The following TSPAN3 variants were observed in gnomAD, a reference collection of about 807,000 sequenced individuals.
TSPAN3 encodes tetraspanin-3.
TSPAN3 carries 9 observed loss-of-function variants against 31.1 expected under a neutral mutation model. That is an observed-to-expected ratio of 0.29 (90% confidence interval 0.17 to 0.50). TSPAN3 has a LOEUF of 0.50. TSPAN3 is among the 20% of genes least tolerant of loss of function. The pLI is 0.98. For synonymous variants in TSPAN3, 129 were observed against 114.3 expected, an observed-to-expected ratio of 1.13 and a Z score of -0.82; for missense variants, 252 against 313.5, an observed-to-expected ratio of 0.80 and a Z score of 1.48.
chr15:77,047,742 T>C (rs2076703899), intron 6 of TSPAN3, among the ~76,000 whole-genome samples: 1 of 152,200 alleles, frequency 6.6e-6, no homozygotes. Context: ...TTCTAGAATT[T>C]TTGACCTACC....
At position 77,046,655 on chromosome 15, in the gene TSPAN3, G is replaced by A. The variant is rs528551495; in HGVS notation, c.*180C>T. 3.5e-6 allele frequency: 2 copies of A among 568,260 alleles called. No homozygotes were observed. Among genetic ancestry groups the A allele is most frequent in the South Asian group, 4.7e-5 (2 of 42,436 alleles). 35.2% of individuals were successfully genotyped at this position (568,260 alleles called of 1,614,324 possible). Reference sequence around the variant, plus strand: ...GGCATGAAGAGTCAGCTAGAACAAGGAAAAAGAAAGTCGCAGGTAGTAGGT... The same window carrying A: ...GGCATGAAGAGTCAGCTAGAACAAGAAAAAAGAAAGTCGCAGGTAGTAGGT... On this transcript the variant is annotated 3_prime_UTR_variant, in exon 7 of 7. Coordinates refer to ENST00000267970, the MANE Select transcript of TSPAN3 (RefSeq NM_005724.6).
chr15:77,046,753 TCCAGAG>T lies in TSPAN3; in HGVS notation c.*76_*81del. 2.8e-6 allele frequency: 3 copies of T among 1,078,730 alleles called. No homozygotes were observed. The highest frequency in any genetic ancestry group is 2.8e-6 in the Non-Finnish European group (2 of 724,880). 66.8% of individuals were successfully genotyped at this position (1,078,730 alleles called of 1,614,324 possible). A position where few individuals can be genotyped will look rare whatever the true frequency, so the allele number is the denominator to read the frequency against. The stretch of plus-strand genomic sequence containing the variant: ...GTACATGTGCTTTAACTAAATGAAC[TCCAGAG>T]GCCAACAGCAGCAGACCTGCTCAAT... On this transcript the variant is annotated 3_prime_UTR_variant, in exon 7 of 7. Coordinates refer to ENST00000267970, the MANE Select transcript of TSPAN3 (RefSeq NM_005724.6).
intron 4 of TSPAN3, 97 bp from the exon 5 acceptor site, chr15:77,053,026 G>T: frequency 8.5e-7 from 1 of 1,176,258 alleles, no homozygotes; most frequent in Non-Finnish European, 1.2e-6. Context: ...CTAGACCAGT[G>T]ATGTCCGATA....
intron 1 of TSPAN3, chr15:77,064,538 T>A (rs1281696657): frequency 1.3e-5 from 2 of 152,212 alleles, no homozygotes; most frequent in African/African-American, 4.8e-5. Context: ...ACCCATTCCC[T>A]AAACTGCAAC....
intron 1 of TSPAN3, among the ~76,000 whole-genome samples, chr15:77,065,628 G>C (rs758935571): frequency 6.6e-6 from 1 of 152,092 alleles, no homozygotes; most frequent in Non-Finnish European, 1.5e-5. Context: ...GGGTTTCACC[G>C]TGTTAGTCAG....
chr15:77,066,554 A>G, intron 1 of TSPAN3, among the ~76,000 whole-genome samples: 1 of 142,130 alleles, frequency 7.0e-6, no homozygotes, highest in East Asian at 2.2e-4. Flanking sequence ...CCTGGGCGAC[A>G]GAGTAAGACT....
chr15:77,070,987 G>A lies in TSPAN3; in HGVS notation c.-33C>T, dbSNP rs1374395218. 5 of 1,400,924 alleles carry A rather than the reference G, an allele frequency of 3.6e-6. No individual in the cohort carries two copies. The highest frequency in any genetic ancestry group is 3.0e-5 in the Admixed American group (1 of 32,794). The allele number at this position is 1,400,924 out of a possible 1,614,324, so 86.8% of individuals were successfully genotyped here. ...GTGGCCCGCGAAGGCCCGGCCCGGA[G>A]AGCGGGGCTGCGCTCACCGAGAGAG... On this transcript the variant is annotated 5_prime_UTR_variant, in exon 1 of 7. Transcript: ENST00000267970.
chr15:77,058,138 C>T lies in TSPAN3; in HGVS notation c.64-1883G>A, dbSNP rs767651629. On this transcript the variant is annotated intron_variant, in intron 1 of 6. Transcript: ENST00000267970. ...CTTAATTTGGGCCTTATCTTATCCC[C>T]CTAAATCTTACTTATTGACTCTCCC... Among the ~76,000 whole-genome samples, 11 of 152,168 alleles carry T rather than the reference C, an allele frequency of 7.2e-5. 1 individual carries two copies. The highest frequency in any genetic ancestry group is 1.2e-4 in the Non-Finnish European group (8 of 68,040).
chr15:77,046,985 T>C (rs961877140), intron 6 of TSPAN3, 58 bp from the exon 7 acceptor site: 2 of 1,364,834 alleles, frequency 1.5e-6, no homozygotes, highest in African/African-American at 1.5e-5. Context: ...ATGGCAGGTG[T>C]GTATTTCTTT....
At position 77,042,016 on chromosome 15, in the gene TSPAN3, T is replaced by C. The variant is rs994401504; in HGVS notation, c.*4819A>G. 8.5e-5 allele frequency: 13 copies of C among 152,208 alleles called. No individual in the cohort carries two copies. The highest frequency in any genetic ancestry group is 3.1e-4 in the African/African-American group (13 of 41,448). The allele number at this position is 152,208 out of a possible 1,614,324, so 9.4% of individuals were successfully genotyped here. A position where few individuals can be genotyped will look rare whatever the true frequency, so the allele number is the denominator to read the frequency against. ...TATACACCTTGGTTAATCATGGTACTAATGTACCCACACAGCTAACACAAT... is the reference window on the plus strand; with the variant it reads ...TATACACCTTGGTTAATCATGGTACCAATGTACCCACACAGCTAACACAAT... On this transcript the variant is annotated 3_prime_UTR_variant, in exon 7 of 7. Coordinates refer to ENST00000267970, the MANE Select transcript of TSPAN3 (RefSeq NM_005724.6).
intron 1 of TSPAN3, chr15:77,064,662 T>C (rs2076821095): frequency 6.6e-6 from 1 of 152,250 alleles, no homozygotes; most frequent in Non-Finnish European, 1.5e-5. Flanking sequence ...ATTCATTTTC[T>C]TAACTGTTGA....
chr15:77,054,156 A>G (rs1461503407), intron 4 of TSPAN3, 22 bp downstream of exon 4: 1 of 1,587,962 alleles, frequency 6.3e-7, no homozygotes, highest in Non-Finnish European at 8.6e-7. Flanking sequence ...CTCAAAAACA[A>G]ATCTGCCTCA....
At chr15:77,060,209 G>C (rs2076792707) in intron 1 of TSPAN3, among the ~76,000 whole-genome samples, 1 of 152,228 alleles carries the variant, frequency 6.6e-6, no homozygotes, top group Non-Finnish European at 1.5e-5. Context: ...ACACCAAAGA[G>C]AAAACTGCAC....
At chr15:77,060,965 C>T (rs889742417) in intron 1 of TSPAN3, among the ~76,000 whole-genome samples, 3 of 152,142 alleles carry the variant, frequency 2.0e-5, no homozygotes, top group African/African-American at 7.2e-5. Flanking sequence ...TAAATTAAGT[C>T]ACAACATTTT....
rs2076867284 is a variant in TSPAN3, at chr15:77,071,089, G to A, written c.-135C>T. ...CTCCCCGCAGCCCCTGCGCCGTCGC[G>A]CAGCCCCGACCCCAGCAAGTGCCTC... On this transcript the variant is annotated 5_prime_UTR_variant, in exon 1 of 7. Transcript: ENST00000267970. 2 of 509,666 alleles carry A rather than the reference G, an allele frequency of 3.9e-6. No homozygotes were observed. The highest frequency in any genetic ancestry group is 5.8e-6 in the Non-Finnish European group (2 of 342,738). 31.6% of individuals were successfully genotyped at this position (509,666 alleles called of 1,614,324 possible).
At chr15:77,062,433 A>G (rs750814958) in intron 1 of TSPAN3, among the ~76,000 whole-genome samples, 8 of 152,222 alleles carry the variant, frequency 5.3e-5, no homozygotes, top group African/African-American at 1.2e-4. Flanking sequence ...AAAAAAGGCC[A>G]TTCCAAAGAC....
intron 1 of TSPAN3, among the ~76,000 whole-genome samples, chr15:77,060,607 A>G (rs890006351): frequency 6.6e-6 from 1 of 152,202 alleles, no homozygotes; most frequent in African/African-American, 2.4e-5. Flanking sequence ...AAAGCTATAT[A>G]AAAGGTGAGC....
At chr15:77,047,431 T>C (rs932827573) in intron 6 of TSPAN3, among the ~76,000 whole-genome samples, 1 of 152,240 alleles carries the variant, frequency 6.6e-6, no homozygotes, top group African/African-American at 2.4e-5. Context: ...AGTGGTCTTT[T>C]CAGGTCTTTT....
In TSPAN3 at chr15:77,070,257, G is replaced by A. The variant is rs551162601; in HGVS notation, c.63+635C>T. ...ATCTCCATCATATATTTAACCAAGA[G>A]TTATAATCTCACAGTTTGGTCACCC... On this transcript the variant is annotated intron_variant, in intron 1 of 6. Coordinates refer to ENST00000267970, the MANE Select transcript of TSPAN3 (RefSeq NM_005724.6). 1.5e-4 allele frequency among the ~76,000 whole-genome samples: 23 copies of A among 152,302 alleles called. No individual in the cohort carries two copies. The South Asian group carries it at 4.6e-3, about 30-fold the overall frequency.
Sources: allele counts gnomAD v4.1 joint callset (sites outside exome capture counted in the v4.1 genomes callset), GRCh38; gene constraint gnomAD v4.1.1; transcripts MANE v1.5; gene names NCBI Gene and HGNC (gene_info 2026-07-23, HGNC 2026-07-21).